PTPRG: variants seen among roughly 807,000 people sequenced by gnomAD.
PTPRG encodes the protein receptor-type tyrosine-protein phosphatase gamma.
In PTPRG, 102 loss-of-function variants were observed where a neutral mutation model predicts 165.3. The ratio of observed to expected loss-of-function variants is 0.62; its 90% CI spans 0.53 to 0.73. The LOEUF is 0.73. Ranked by LOEUF, PTPRG falls within the 30% of genes least tolerant of loss-of-function variation. The pLI is 0.00. For missense variants in PTPRG, 1,866 were observed against 1,861.4 expected, an observed-to-expected ratio of 1.00 and a Z score of -0.05; for synonymous variants, 675 against 669.5, an observed-to-expected ratio of 1.01 and a Z score of -0.13.
At chr3:62,123,714 TAAAG>T (rs1402543671) in intron 5 of PTPRG, among the ~76,000 whole-genome samples, 1 of 151,610 alleles carries the variant, frequency 6.6e-6, no homozygotes, top group Non-Finnish European at 1.5e-5. Context: ...AAACTCTAAT[TAAAG>T]AGTTAACAAG....
rs10593342 is a variant in PTPRG, at chr3:61,732,709, AAAATAAATAAATAAAT to A, written c.86-16132_86-16117del. Among the ~76,000 whole-genome samples the A allele has an allele frequency of 4.2e-3, 596 of 143,126 alleles. 5 individuals are homozygous for A. The highest frequency in any genetic ancestry group is 0.013 in the African/African-American group (490 of 38,974). The allele number at this position is 143,126 out of a possible 152,430, so 93.9% of individuals were successfully genotyped here. On this transcript the variant is annotated intron_variant, in intron 1 of 29. Coordinates refer to ENST00000474889, the MANE Select transcript of PTPRG (RefSeq NM_002841.4). ...GGGTGACAGAGCGAGACTCCGTCTC[AAAATAAATAAATAAAT>A]AAATAAATAAATAAATAAATAAATA...
At chr3:61,833,103 T>G (rs941900179) in intron 2 of PTPRG, among the ~76,000 whole-genome samples, 3 of 117,822 alleles carry the variant, frequency 2.5e-5, no homozygotes, top group African/African-American at 1.4e-4. Flanking sequence ...GTGTACACAG[T>G]TTCTTTATCC....
intron 25 of PTPRG, among the ~76,000 whole-genome samples, 195 bp downstream of exon 25, chr3:62,277,243 A>T (rs1172436571): frequency 6.6e-6 from 1 of 152,170 alleles, no homozygotes. Context: ...GCTTAAATTA[A>T]GCAGAATGCT....
At chr3:61,915,120 T>C (rs1422505167) in intron 2 of PTPRG, among the ~76,000 whole-genome samples, 1 of 152,132 alleles carries the variant, frequency 6.6e-6, no homozygotes, top group African/African-American at 2.4e-5. Flanking sequence ...TCCCAGCTAC[T>C]CAGGAGGCTG....
intron 2 of PTPRG, chr3:61,771,269 A>G (rs1361320100): frequency 6.6e-6 from 1 of 151,912 alleles, no homozygotes; most frequent in Non-Finnish European, 1.5e-5. Context: ...AAATCTGCCA[A>G]GTTTCTTACT....
chr3:61,911,010 C>T (rs1175177279), intron 2 of PTPRG, among the ~76,000 whole-genome samples: 2 of 152,282 alleles, frequency 1.3e-5, no homozygotes, highest in East Asian at 3.9e-4. Flanking sequence ...ACCTCTTATT[C>T]CCTCTGCTGC....
At chr3:61,577,990 G>T (rs2106789377) in intron 1 of PTPRG, among the ~76,000 whole-genome samples, 1 of 152,336 alleles carries the variant, frequency 6.6e-6, no homozygotes, top group South Asian at 2.1e-4. Context: ...GTTGTTGGAG[G>T]AGTAAATGAG....
chr3:61,855,433 T>G (rs1471009257), intron 2 of PTPRG, among the ~76,000 whole-genome samples: 3 of 152,176 alleles, frequency 2.0e-5, no homozygotes, highest in Non-Finnish European at 4.4e-5. Context: ...GCAGGATTCT[T>G]GCCCAAGTCT....
chr3:61,801,574 C>T (rs777196567), intron 2 of PTPRG, among the ~76,000 whole-genome samples: 19 of 152,160 alleles, frequency 1.2e-4, no homozygotes, highest in Non-Finnish European at 2.5e-4. Context: ...AAACTCAAGT[C>T]GGCTTGTGTC....
At chr3:61,696,712 G>C (rs1350463061) in intron 1 of PTPRG, among the ~76,000 whole-genome samples, 2 of 152,190 alleles carry the variant, frequency 1.3e-5, no homozygotes, top group Non-Finnish European at 2.9e-5. Context: ...GAAGCGACTA[G>C]AGCCCTAGCT....
chr3:61,993,152 C>CT (rs879341940), intron 3 of PTPRG, among the ~76,000 whole-genome samples: 128 of 136,928 alleles, frequency 9.3e-4, no homozygotes, highest in East Asian at 2.1e-3. Flanking sequence ...TAACCTATTT[C>CT]TTTTTTTTTT....
chr3:61,853,165 A>G (rs1024479685), intron 2 of PTPRG, among the ~76,000 whole-genome samples: 7 of 152,228 alleles, frequency 4.6e-5, no homozygotes, highest in Non-Finnish European at 1.0e-4. Context: ...AGTTCTAAAT[A>G]GAAAACATTA....
Position 61,919,235 on chromosome 3 carries a change from G to A in PTPRG, c.191-70390G>A, listed in dbSNP as rs182696001. ...CCGGCTCATCTCCTGCTTCATTTTCGGTGCTGCGTTGAGGTTGGAGATACA... is the reference window on the plus strand; with the variant it reads ...CCGGCTCATCTCCTGCTTCATTTTCAGTGCTGCGTTGAGGTTGGAGATACA... On this transcript the variant is annotated intron_variant, in intron 2 of 29. Coordinates refer to ENST00000474889, the MANE Select transcript of PTPRG (RefSeq NM_002841.4). 2.9e-3 allele frequency among the ~76,000 whole-genome samples: 435 copies of A among 152,198 alleles called. 1 individual carries two copies. Among genetic ancestry groups the A allele is most frequent in the African/African-American group, 9.2e-3 (382 of 41,522 alleles).
At chr3:62,045,820 A>C (rs1354706622) in intron 4 of PTPRG, among the ~76,000 whole-genome samples, 1 of 152,252 alleles carries the variant, frequency 6.6e-6, no homozygotes, top group Non-Finnish European at 1.5e-5. Context: ...TTTGTAATGC[A>C]AGCTTTGCAT....
intron 1 of PTPRG, among the ~76,000 whole-genome samples, chr3:61,662,375 C>G (rs1702690680): frequency 6.6e-6 from 1 of 152,156 alleles, no homozygotes; most frequent in African/African-American, 2.4e-5. Context: ...GGAATGGAGG[C>G]CTCCCACTGA....
chr3:61,870,867 A>G (rs2037551323), intron 2 of PTPRG, among the ~76,000 whole-genome samples: 1 of 152,110 alleles, frequency 6.6e-6, no homozygotes, highest in Non-Finnish European at 1.5e-5. Context: ...CATTTACTAA[A>G]AGCTCAATTA....
At chr3:61,786,178 A>C (rs75677239) in intron 2 of PTPRG, among the ~76,000 whole-genome samples, 1 of 152,170 alleles carries the variant, frequency 6.6e-6, no homozygotes, top group Admixed American at 6.6e-5. Context: ...TAGAGTAGGT[A>C]GTGTCAGATG....
chr3:61,993,837 T>C (rs1158962915), intron 3 of PTPRG, among the ~76,000 whole-genome samples: 1 of 152,204 alleles, frequency 6.6e-6, no homozygotes, highest in Non-Finnish European at 1.5e-5. Context: ...ACTCTGTCTT[T>C]TGTATATTAA....
Position 61,688,885 on chromosome 3 carries a change from T to G in PTPRG, c.86-59993T>G, listed in dbSNP as rs116674925. ...GCTTGACCTTGGCTGACTTGCCATA[T>G]TCTTGAACTGTCCTGCCCTGCTTCT... On this transcript the variant is annotated intron_variant, in intron 1 of 29. Coordinates refer to ENST00000474889, the MANE Select transcript of PTPRG (RefSeq NM_002841.4). 9.8e-4 allele frequency among the ~76,000 whole-genome samples: 149 copies of G among 152,308 alleles called. 1 individual carries two copies. Among genetic ancestry groups the G allele is most frequent in the African/African-American group, 3.4e-3 (143 of 41,584 alleles).
Sources: gnomAD v4.1 joint callset for allele counts (sites outside exome capture counted in the v4.1 genomes callset) on GRCh38, gnomAD v4.1.1 for gene constraint, MANE v1.5 for transcripts, NCBI Gene and HGNC (gene_info 2026-07-23, HGNC 2026-07-21) for gene names.